SLC44A5: variants seen among roughly 807,000 people sequenced by gnomAD.
SLC44A5 encodes the protein solute carrier family 44 member 5, also known as choline transporter-like protein 5.
SLC44A5 carries 57 observed loss-of-function variants against 101.8 expected under a neutral mutation model. The observed-to-expected ratio is 0.56, with a 90% CI of 0.45 to 0.70. The LOEUF is 0.70. Ranked by LOEUF, SLC44A5 falls within the 30% of genes least tolerant of loss-of-function variation. The pLI, the probability that SLC44A5 is intolerant of heterozygous loss-of-function variation, is 0.00. For synonymous variants in SLC44A5, 281 were observed against 290.9 expected, an observed-to-expected ratio of 0.97 and a Z score of 0.35; for missense variants, 737 against 853.1, an observed-to-expected ratio of 0.86 and a Z score of 1.70.
At chr1:75,642,505 G>A in the SLC44A5 span, among the ~76,000 whole-genome samples, 1 of 151,870 alleles carries the variant, frequency 6.6e-6, no homozygotes, top group Non-Finnish European at 1.5e-5. Context: ...GAAAAAAAAT[G>A]TAATTTAATT....
At chr1:75,406,011 A>G (rs1662837002) in intron 2 of SLC44A5, among the ~76,000 whole-genome samples, 1 of 152,134 alleles carries the variant, frequency 6.6e-6, no homozygotes, top group African/African-American at 2.4e-5. Context: ...TAGATGCAAT[A>G]AAAAATGATA....
chr1:75,422,268 A>G (rs544046873), intron 2 of SLC44A5, among the ~76,000 whole-genome samples: 2 of 152,330 alleles, frequency 1.3e-5, no homozygotes, highest in South Asian at 2.1e-4. Flanking sequence ...TATGATTTCT[A>G]TCAGGCTAGT....
At chr1:75,432,691 A>T (rs1311197165) in intron 2 of SLC44A5, among the ~76,000 whole-genome samples, 1 of 152,140 alleles carries the variant, frequency 6.6e-6, no homozygotes, top group Non-Finnish European at 1.5e-5. Flanking sequence ...TTAAATGGCT[A>T]GGTGGAGTCT....
chr1:75,651,557 C>CGTGG, the SLC44A5 span, among the ~76,000 whole-genome samples: 1 of 151,694 alleles, frequency 6.6e-6, no homozygotes, highest in Non-Finnish European at 1.5e-5. Flanking sequence ...ATTAGCTGGG[C>CGTGG]GTGGTGGTGG....
At chr1:75,405,401 A>G (rs1376270809) in intron 2 of SLC44A5, among the ~76,000 whole-genome samples, 1 of 152,238 alleles carries the variant, frequency 6.6e-6, no homozygotes, top group Non-Finnish European at 1.5e-5. Flanking sequence ...AACAGAATAT[A>G]CATTCTTCAC....
At chr1:75,562,679 G>A (rs999311711) in intron 1 of SLC44A5, among the ~76,000 whole-genome samples, 6 of 151,754 alleles carry the variant, frequency 4.0e-5, no homozygotes, top group South Asian at 2.1e-4. Flanking sequence ...AGAGTGAGAC[G>A]ACTCTGTCAC....
chr1:75,236,997 A>G lies in SLC44A5; in HGVS notation c.730T>C (p.Trp244Arg), dbSNP rs1019089524. The G allele has an allele frequency of 1.3e-6, 2 of 1,589,850 alleles. No homozygotes were observed. Among genetic ancestry groups the G allele is most frequent in the Admixed American group, 1.7e-5 (1 of 59,670 alleles). ...TGTGTTTTCACTTACATGAGAATCC[A>G]ATACCAAGTTCTTGCATAGTCTTCA... is the stretch of plus-strand genomic sequence containing the variant. The part of the protein sequence containing the change: ...VFEDYARTWY[W>R]ILIGLTIAMV... The change falls in exon 11 of 24, where the codon TGG becomes CGG. Residue 244 changes from tryptophan (W) to arginine (R), a missense_variant. Physicochemically the swap from Trp to Arg is moderately radical, Grantham distance 101 (BLOSUM62 -3). Around this residue, in one of 3 missense-constraint regions of SLC44A5, gnomAD observed 665 missense variants for 764.4 expected, o/e 0.87. Coordinates refer to ENST00000370859, the MANE Select transcript of SLC44A5 (RefSeq NM_001130058.2).
chr1:75,353,967 C>A, intron 3 of SLC44A5: 1 of 300,466 alleles, frequency 3.3e-6, no homozygotes, highest in Non-Finnish European at 6.5e-6. Flanking sequence ...TCCAAGGATT[C>A]TTCTTCCACA....
intron 3 of SLC44A5, among the ~76,000 whole-genome samples, chr1:75,395,352 A>C (rs1204816124): frequency 6.6e-6 from 1 of 152,178 alleles, no homozygotes; most frequent in African/African-American, 2.4e-5. Flanking sequence ...AGGTAGGAAA[A>C]AACCATCTGC....
the SLC44A5 span, among the ~76,000 whole-genome samples, chr1:75,628,172 A>G: frequency 6.6e-6 from 1 of 152,142 alleles, no homozygotes; most frequent in East Asian, 1.9e-4. Context: ...TCAAAACTTT[A>G]GGATATGAAA....
the SLC44A5 span, among the ~76,000 whole-genome samples, chr1:75,646,111 A>G: frequency 1.0e-4 from 14 of 133,618 alleles, 2 homozygotes; most frequent in African/African-American, 1.5e-4. Flanking sequence ...ACTTGGCAAT[A>G]TGGGCTCTTT....
the SLC44A5 span, among the ~76,000 whole-genome samples, chr1:75,697,547 G>T: frequency 1.3e-5 from 2 of 152,180 alleles, no homozygotes; most frequent in Admixed American, 6.5e-5. Context: ...AGCACTTTGG[G>T]AAGCCGGGGC....
chr1:75,275,105 G>C, intron 5 of SLC44A5, 63 bp from the exon 6 acceptor site: 1 of 1,291,698 alleles, frequency 7.7e-7, no homozygotes, highest in Non-Finnish European at 1.1e-6. Context: ...AGTTTGATTT[G>C]AGATATTAGA....
chr1:75,306,160 G>T (rs1164913466), intron 4 of SLC44A5, among the ~76,000 whole-genome samples: 2 of 152,088 alleles, frequency 1.3e-5, no homozygotes, highest in Non-Finnish European at 2.9e-5. Flanking sequence ...ATCGTCTAAG[G>T]CTACTTTCTT....
chr1:75,656,856 G>A, the SLC44A5 span, among the ~76,000 whole-genome samples: 1 of 152,122 alleles, frequency 6.6e-6, no homozygotes, highest in Non-Finnish European at 1.5e-5. Context: ...TTCTCCAATT[G>A]AAAGATATAT....
At position 75,215,734 on chromosome 1, in the gene SLC44A5, T is replaced by A. The variant is rs551306978; in HGVS notation, c.1728+20A>T. The A allele has an allele frequency of 4.2e-6, 6 of 1,422,992 alleles. No homozygotes were observed. In the South Asian group the frequency reaches 6.9e-5, roughly 16 times the overall value. The allele number at this position is 1,422,992 out of a possible 1,614,324, so 88.1% of individuals were successfully genotyped here. On this transcript the variant is annotated intron_variant, in intron 19 of 23. Coordinates refer to ENST00000370859, the MANE Select transcript of SLC44A5 (RefSeq NM_001130058.2). ...GATTGCAAAGAAGCAGCTTAGTAAA[T>A]AATAAAATAATCTACCTACCATAAT...
chr1:75,583,947 G>C (rs1673850367), intron 1 of SLC44A5, among the ~76,000 whole-genome samples: 1 of 152,216 alleles, frequency 6.6e-6, no homozygotes, highest in African/African-American at 2.4e-5. Context: ...GGCTGGGTCA[G>C]CACCAATCTC....
chr1:75,496,341 A>G (rs1403813646), intron 2 of SLC44A5, among the ~76,000 whole-genome samples: 1 of 152,156 alleles, frequency 6.6e-6, no homozygotes, highest in African/African-American at 2.4e-5. Flanking sequence ...GGTACCAAGA[A>G]CAGACAATGG....
chr1:75,626,709 C>T, the SLC44A5 span, among the ~76,000 whole-genome samples: 2 of 152,262 alleles, frequency 1.3e-5, no homozygotes, highest in East Asian at 3.9e-4. Context: ...CCACTTTTAA[C>T]TTTAATTCTT....
Sources: allele counts gnomAD v4.1 joint callset (sites outside exome capture counted in the v4.1 genomes callset), GRCh38; gene constraint gnomAD v4.1.1; regional missense constraint gnomAD v4.1.1; transcripts MANE v1.5; gene names NCBI Gene and HGNC (gene_info 2026-07-23, HGNC 2026-07-21).